Variants in OR5M3 observed in about 807,000 individuals in gnomAD.
OR5M3 encodes the protein olfactory receptor 5M3.
For synonymous variants in OR5M3, 129 were observed against 131.3 expected (o/e 0.98, Z 0.12); for missense variants, 384 against 378.6 (o/e 1.01, Z -0.12).
chr11:56,471,790 G>C (rs1853669939), intron 1 of OR5M3, among the ~76,000 whole-genome samples: 1 of 151,956 alleles, frequency 6.6e-6, no homozygotes, highest in Admixed American at 6.6e-5. Context: ...CTGCAGAACA[G>C]AGTGCAAATC....
intron 1 of OR5M3, among the ~76,000 whole-genome samples, chr11:56,472,363 C>T (rs1853676185): frequency 6.6e-6 from 1 of 152,056 alleles, no homozygotes; most frequent in Non-Finnish European, 1.5e-5. Flanking sequence ...AGATTACAGA[C>T]ATGTCAACAG....
chr11:56,473,077 T>C (rs1853682513), intron 1 of OR5M3, 144 bp downstream of exon 1: 1 of 152,144 alleles, frequency 6.6e-6, no homozygotes, highest in Non-Finnish European at 1.5e-5. Flanking sequence ...TATAATCCTA[T>C]TGAAAATGTA....
chr11:56,471,058 T>G (rs1853662332), intron 1 of OR5M3, among the ~76,000 whole-genome samples: 1 of 152,042 alleles, frequency 6.6e-6, no homozygotes, highest in Admixed American at 6.6e-5. Context: ...AAAAAAAAGA[T>G]GATAGTAGCC....
Position 56,470,526 on chromosome 11 carries a change from C to G in OR5M3, c.-29G>C. 1 of 1,375,684 alleles carries G rather than the reference C, an allele frequency of 7.3e-7. No individual in the cohort carries two copies. The highest frequency in any genetic ancestry group is 2.4e-5 in the Admixed American group (1 of 41,960). 85.2% of individuals were successfully genotyped at this position (1,375,684 alleles called of 1,614,324 possible). On this transcript the variant is annotated 5_prime_UTR_variant, in exon 2 of 2. Coordinates refer to ENST00000641993, the MANE Select transcript of OR5M3 (RefSeq NM_001004742.3). ...CTGAATTCTAAGTCAATATCAGTTACAAAACTTTTTGATAACTAAAATAAA... is the reference window on the plus strand; with the variant it reads ...CTGAATTCTAAGTCAATATCAGTTAGAAAACTTTTTGATAACTAAAATAAA...
rs763933547 is a variant in OR5M3, at chr11:56,470,143, C to T, written c.355G>A (p.Asp119Asn). 1 of 1,605,388 alleles carries T rather than the reference C, an allele frequency of 6.2e-7. No homozygotes were observed. The highest frequency in any genetic ancestry group is 1.1e-5 in the South Asian group (1 of 90,944). ...GGATTCCCAATTGCCATGTATCTAT[C>T]AAAGGCCATCGCAGCAAGAATAAAA... is the stretch of plus-strand genomic sequence containing the variant. ...EIFILAAMAF[D>N]RYMAIGNPLL... The change falls in exon 2 of 2, where the codon GAT becomes AAT. Residue 119 changes from aspartate to asparagine, a missense_variant. Physicochemically the swap from Asp to Asn is conservative, Grantham distance 23. Transcript: ENST00000641993.
In OR5M3 at chr11:56,470,050, C is replaced by G. The variant is rs1417097023; in HGVS notation, c.448G>C (p.Gly150Arg). 9 of 1,612,166 alleles carry G rather than the reference C, an allele frequency of 5.6e-6. No homozygotes were observed. The highest frequency in any genetic ancestry group is 7.6e-6 in the Non-Finnish European group (9 of 1,178,346). ...GTTGCTGCCAGACTCGTCAGAAAAC[C>G]ATAAATGTAAGGGAAAGTAATCAGT... ...IRLITFPYIY[G>R]FLTSLAATLW... is the part of the protein sequence containing the mutation. The change falls in exon 2 of 2, where the codon GGT (glycine) becomes CGT (arginine). Residue 150 changes from glycine (G) to arginine (R), a missense_variant. Transcript: ENST00000641993.
intron 1 of OR5M3, among the ~76,000 whole-genome samples, chr11:56,472,148 CAG>C (rs970430182): frequency 1.4e-4 from 21 of 151,922 alleles, no homozygotes; most frequent in African/African-American, 5.1e-4. Context: ...CTAATTGAAA[CAG>C]ATTGCATTCT....
intron 1 of OR5M3, among the ~76,000 whole-genome samples, chr11:56,472,216 G>A (rs945714572): frequency 6.6e-6 from 1 of 151,938 alleles, no homozygotes; most frequent in Non-Finnish European, 1.5e-5. Context: ...TAATTAGTGG[G>A]TACATTTTTA....
rs150513236 is a variant in OR5M3 at position 56,470,414 on chromosome 11, G to A, written c.84C>T (p.Ile28=). The A allele has an allele frequency of 2.8e-5, 45 of 1,612,994 alleles. No individual in the cohort carries two copies. The South Asian group carries it at 3.8e-4, about 14-fold the overall frequency. Residue 28 remains isoleucine (I), a synonymous_variant, in exon 2 of 2, where the codon ATC becomes ATT. Transcript: ENST00000641993. ...TGGTGATGATGTAGACCACAAGAAAGATGATGAAGAAGAGAACTTGCCATT... is the reference window on the plus strand; with the variant it reads ...TGGTGATGATGTAGACCACAAGAAAAATGATGAAGAAGAGAACTTGCCATT... ...RREWQVLFFI[I]FLVVYIITMV... is the part of the protein sequence containing the mutation.
chr11:56,472,161 A>G (rs959225431), intron 1 of OR5M3, among the ~76,000 whole-genome samples: 1 of 152,060 alleles, frequency 6.6e-6, no homozygotes, highest in African/African-American at 2.4e-5. Context: ...ATTGCATTCT[A>G]CATGGCCCCA....
rs369480096 is a variant in OR5M3, at chr11:56,470,446, G to T, written c.52C>A (p.Arg18Ser). ...TEFILLGLTS[R>S]REWQVLFFII... The stretch of plus-strand genomic sequence containing the variant: ...AAGAAGAGAACTTGCCATTCTCGAC[G>T]GCTCGTTAGCCCCAAAAGAATGAAC... The change falls in exon 2 of 2, where the codon CGT becomes AGT. Residue 18 changes from arginine (R) to serine (S), a missense_variant. Arg to Ser is a moderately radical substitution (Grantham distance 110). Coordinates refer to ENST00000641993, the MANE Select transcript of OR5M3 (RefSeq NM_001004742.3). 1 of 1,610,902 alleles carries T rather than the reference G, an allele frequency of 6.2e-7. No individual in the cohort carries two copies. The highest frequency in any genetic ancestry group is 1.3e-5 in the African/African-American group (1 of 74,774).
chr11:56,471,003 G>A (rs182921817), intron 1 of OR5M3, among the ~76,000 whole-genome samples: 17 of 151,986 alleles, frequency 1.1e-4, no homozygotes, highest in Admixed American at 4.6e-4. Flanking sequence ...TTATAAAAAT[G>A]TTTTTAATCT....
chr11:56,472,617 G>T (rs1853678811), intron 1 of OR5M3, among the ~76,000 whole-genome samples: 2 of 152,060 alleles, frequency 1.3e-5, no homozygotes, highest in South Asian at 4.1e-4. Context: ...CTAGGGGTTA[G>T]ATTTCATCCT....
intron 1 of OR5M3, among the ~76,000 whole-genome samples, chr11:56,471,494 T>G (rs1853667293): frequency 6.6e-6 from 1 of 152,002 alleles, no homozygotes; most frequent in Non-Finnish European, 1.5e-5. Flanking sequence ...CTAGATATAA[T>G]GGAGAATAAT....
Position 56,469,505 on chromosome 11 carries a change from A to G in OR5M3, c.*69T>C, listed in dbSNP as rs1480907040. 1.1e-6 allele frequency: 1 copy of G among 871,568 alleles called. No homozygotes were observed. The highest frequency in any genetic ancestry group is 1.7e-5 in the African/African-American group (1 of 58,400). The allele number at this position is 871,568 out of a possible 1,614,324, so 54.0% of individuals were successfully genotyped here. A position where few individuals can be genotyped will look rare whatever the true frequency, so the allele number is the denominator to read the frequency against. ...TATCTTTATCTTAATGTTCCTAGGT[A>G]CTGGGTAATAAACTTTTTCCAAACA... On this transcript the variant is annotated 3_prime_UTR_variant, in exon 2 of 2. Transcript: ENST00000641993.
intron 1 of OR5M3, among the ~76,000 whole-genome samples, chr11:56,470,762 G>C (rs1426555119): frequency 6.6e-6 from 1 of 151,970 alleles, no homozygotes; most frequent in Non-Finnish European, 1.5e-5. Context: ...AGTAAGTAAT[G>C]TGAGTAGTCA....
In OR5M3 at chr11:56,469,562, A is replaced by T; in HGVS notation, c.*12T>A. On this transcript the variant is annotated 3_prime_UTR_variant, in exon 2 of 2. Transcript: ENST00000641993. ...AGAAGATAAAATTAAATCAAATTTG[A>T]TTTTATTTTGTTTAACATGATCTGC... 2.7e-6 allele frequency: 4 copies of T among 1,466,418 alleles called. No homozygotes were observed. In the South Asian group the frequency reaches 5.8e-5, roughly 21 times the overall value. The allele number at this position is 1,466,418 out of a possible 1,614,324, so 90.8% of individuals were successfully genotyped here.
rs748290260 is a variant in OR5M3, at chr11:56,469,695, T to C, written c.803A>G (p.Gln268Arg). ...LRRPTEESVE[Q>R]GKMVAVFYTT... is the part of the protein sequence containing the mutation. ...ATAGAACACAGCCACCATCTTCCCC[T>C]GCTCCACAGACTCCTCTGTGGGACG... Residue 268 changes from glutamine to arginine, a missense_variant, in exon 2 of 2, where the codon CAG becomes CGG. Gln to Arg is a conservative substitution (Grantham distance 43, BLOSUM62 1). Transcript: ENST00000641993. 3 of 1,606,148 alleles carry C rather than the reference T, an allele frequency of 1.9e-6. No individual in the cohort carries two copies. Among genetic ancestry groups the C allele is most frequent in the Admixed American group, 3.3e-5 (2 of 59,774 alleles).
At position 56,469,668 on chromosome 11, in the gene OR5M3, G is replaced by A; in HGVS notation, c.830C>T (p.Thr277Ile). ...EQGKMVAVFY[T>I]TVIPMLNPMI... ...GGGATTCAACATGGGGATCACTGTG[G>A]TATAGAACACAGCCACCATCTTCCC... The change falls in exon 2 of 2, where the codon ACC (threonine) becomes ATC (isoleucine). Residue 277 changes from threonine to isoleucine, a missense_variant. By Grantham distance (89) the Thr-to-Ile change is moderately conservative. Transcript: ENST00000641993. 4 of 1,588,656 alleles carry A rather than the reference G, an allele frequency of 2.5e-6. No individual in the cohort carries two copies. The highest frequency in any genetic ancestry group is 3.4e-6 in the Non-Finnish European group (4 of 1,159,544).
Sources: gnomAD v4.1 joint callset for allele counts (sites outside exome capture counted in the v4.1 genomes callset) on GRCh38, gnomAD v4.1.1 for gene constraint, MANE v1.5 for transcripts, NCBI Gene and HGNC (gene_info 2026-07-23, HGNC 2026-07-21) for gene names.